The following PARP12 variants were observed in gnomAD, a reference collection of about 807,000 sequenced individuals.
PARP12 encodes the protein protein mono-ADP-ribosyltransferase PARP12.
A neutral mutation model predicts 72.4 loss-of-function variants in PARP12; 59 were observed. The ratio of observed to expected loss-of-function variants is 0.81; its 90% CI spans 0.66 to 1.01. The LOEUF is 1.01. Ranked by LOEUF, PARP12 falls within the 50% of genes least tolerant of loss-of-function variation. The pLI is 0.00. For synonymous variants in PARP12, 403 were observed against 371.4 expected, an observed-to-expected ratio of 1.09 and a Z score of -0.98; for missense variants, 851 against 914.0, an observed-to-expected ratio of 0.93 and a Z score of 0.89.
At position 140,026,314 on chromosome 7, in the gene PARP12, T is replaced by G. The variant is rs765113475; in HGVS notation, c.1663A>C (p.Lys555Gln). 14 of 1,612,610 alleles carry G rather than the reference T, an allele frequency of 8.7e-6. No individual in the cohort carries two copies. In the East Asian group the frequency reaches 3.1e-4, roughly 36 times the overall value. The change falls in exon 11 of 12, where the codon AAG (lysine) becomes CAG (glutamine). Residue 555 changes from lysine to glutamine, a missense_variant. This residue lies in a region of PARP12 where 347 missense variants were observed against 396.1 expected (regional missense o/e 0.88). Transcript: ENST00000263549. Reference sequence around the variant, plus strand: ...AACAGCTGCCGCTCGTCCACGGCCTTCCCTCCGTTCTGCTTCTGCATCTGT... The same window carrying G: ...AACAGCTGCCGCTCGTCCACGGCCTGCCCTCCGTTCTGCTTCTGCATCTGT... Reference protein sequence around the residue: ...KGQMQKQNGGKAVDERQLFHG... With the variant: ...KGQMQKQNGGQAVDERQLFHG...
chr7:140,033,468 G>A, intron 8 of PARP12: 1 of 985,410 alleles, frequency 1.0e-6, no homozygotes, highest in Non-Finnish European at 1.2e-6. Context: ...TCCCAGCACT[G>A]GCTCTGGCAA....
chr7:140,034,084 A>G, intron 8 of PARP12, 151 bp downstream of exon 8: 1 of 1,338,436 alleles, frequency 7.5e-7, no homozygotes. Flanking sequence ...TGGTCCAACT[A>G]GTAGAAGACA....
At chr7:140,061,342 G>C (rs1817434689) in intron 1 of PARP12, among the ~76,000 whole-genome samples, 1 of 152,192 alleles carries the variant, frequency 6.6e-6, no homozygotes, top group Non-Finnish European at 1.5e-5. Flanking sequence ...GCACAGAGCG[G>C]AGGTCAGTCA....
chr7:140,026,300 C>T lies in PARP12; in HGVS notation c.1677G>A (p.Glu559=), dbSNP rs1815735520. 1 of 1,613,340 alleles carries T rather than the reference C, an allele frequency of 6.2e-7. No homozygotes were observed. The highest frequency in any genetic ancestry group is 8.5e-7 in the Non-Finnish European group (1 of 1,180,040). ...CGCTGGTGCCGTGGAACAGCTGCCG[C>T]TCGTCCACGGCCTTCCCTCCGTTCT... The part of the protein sequence containing the change: ...QKQNGGKAVD[E]RQLFHGTSAI... Residue 559 remains glutamate (E), a synonymous_variant, in exon 11 of 12, where the codon GAG becomes GAA. Coordinates refer to ENST00000263549, the MANE Select transcript of PARP12 (RefSeq NM_022750.4).
rs554698842 is a variant in PARP12 at position 140,052,693 on chromosome 7, C to T, written c.862+1969G>A. On this transcript the variant is annotated intron_variant, in intron 4 of 11. Transcript: ENST00000263549. ...TTTTGAACTCCATGCATAATTTTTT[C>T]ATAATATGCATTTTCCACAAACTTT... Among the ~76,000 whole-genome samples the T allele has an allele frequency of 2.6e-5, 4 of 151,044 alleles. No homozygotes were observed. In the South Asian group the frequency reaches 8.3e-4, roughly 32 times the overall value.
intron 1 of PARP12, among the ~76,000 whole-genome samples, chr7:140,060,662 CAG>C (rs748128266): frequency 2.0e-5 from 3 of 152,282 alleles, no homozygotes; most frequent in Non-Finnish European, 2.9e-5. Flanking sequence ...GAACATGAAA[CAG>C]ATCTACCAGT....
At chr7:140,028,783 G>A in intron 8 of PARP12, 95 bp from the exon 9 acceptor site, 1 of 1,066,768 alleles carries the variant, frequency 9.4e-7, no homozygotes, top group Non-Finnish European at 1.4e-6. Flanking sequence ...CACCAGTCTT[G>A]AGTCTCAGCA....
At chr7:140,056,147 A>C (rs187050722) in intron 3 of PARP12, among the ~76,000 whole-genome samples, 46 of 152,366 alleles carry the variant, frequency 3.0e-4, no homozygotes, top group Non-Finnish European at 5.1e-4. Context: ...CTGACAGACC[A>C]CATTATTCAT....
chr7:140,048,374 G>A (rs749560385), intron 4 of PARP12, among the ~76,000 whole-genome samples: 8 of 151,972 alleles, frequency 5.3e-5, no homozygotes, highest in Non-Finnish European at 8.8e-5. Context: ...TGCCACCACC[G>A]GGAACGCCAC....
At chr7:140,034,075 G>A (rs1040191935) in intron 8 of PARP12, 160 bp downstream of exon 8, 1 of 1,320,714 alleles carries the variant, frequency 7.6e-7, no homozygotes, top group African/African-American at 1.5e-5. Context: ...TTCCCACTCT[G>A]GTCCAACTAG....
chr7:140,058,111 C>G (rs10252898), intron 1 of PARP12, 77 bp from the exon 2 acceptor site: 153,551 of 1,503,814 alleles, frequency 0.1, 10,632 homozygotes, highest in African/African-American at 0.33. Context: ...CTAACTCCCA[C>G]GACCTCAGGA....
At chr7:140,051,140 G>C (rs1816941303) in intron 4 of PARP12, among the ~76,000 whole-genome samples, 2 of 152,144 alleles carry the variant, frequency 1.3e-5, no homozygotes, top group African/African-American at 4.8e-5. Flanking sequence ...GATGATGGCT[G>C]CCCAATTCTG....
rs1007745248 is a variant in PARP12, at chr7:140,034,144, G to T, written c.1421+91C>A. ...TTCGTTGTACAAGCCAACGGTGCCC[G>T]GGTGCTGTCTGAGGCAGGTTTTCTG... On this transcript the variant is annotated intron_variant, in intron 8 of 11. Coordinates refer to ENST00000263549, the MANE Select transcript of PARP12 (RefSeq NM_022750.4). 3.6e-5 allele frequency: 54 copies of T among 1,500,836 alleles called. No homozygotes were observed. The African/African-American group carries it at 6.9e-4, about 19-fold the overall frequency. 93.0% of individuals were successfully genotyped at this position (1,500,836 alleles called of 1,614,324 possible).
chr7:140,041,883 A>G (rs779048408), intron 5 of PARP12, 44 bp from the exon 6 acceptor site: 1 of 1,498,338 alleles, frequency 6.7e-7, no homozygotes, highest in Non-Finnish European at 9.2e-7. Flanking sequence ...CCACCAGCCA[A>G]GCAGACACAG....
chr7:140,035,515 G>A (rs1045436320), intron 7 of PARP12, among the ~76,000 whole-genome samples: 4 of 152,172 alleles, frequency 2.6e-5, no homozygotes, highest in African/African-American at 9.7e-5. Flanking sequence ...CTAGGCTACA[G>A]CCTGTCTTTG....
chr7:140,062,505 C>A lies in PARP12; in HGVS notation c.326+17G>T. The A allele has an allele frequency of 5.2e-6, 8 of 1,533,264 alleles. No homozygotes were observed. The highest frequency in any genetic ancestry group is 7.0e-6 in the Non-Finnish European group (8 of 1,144,406). The allele number at this position is 1,533,264 out of a possible 1,614,324, so 95.0% of individuals were successfully genotyped here. A position where few individuals can be genotyped will look rare whatever the true frequency, so the allele number is the denominator to read the frequency against. On this transcript the variant is annotated intron_variant, in intron 1 of 11. Transcript: ENST00000263549. ...GCAGGACCTCCGCCCGCCGTCGCTC[C>A]CGGCGCGGCGCCTTACCCGGCTCTC... is the stretch of plus-strand genomic sequence containing the variant.
intron 5 of PARP12, among the ~76,000 whole-genome samples, chr7:140,046,452 C>T (rs1475382326): frequency 6.6e-6 from 1 of 152,180 alleles, no homozygotes; most frequent in Non-Finnish European, 1.5e-5. Context: ...AGCAGTTCAG[C>T]GGTATGGCTG....
At chr7:140,058,840 A>G (rs1817308893) in intron 1 of PARP12, among the ~76,000 whole-genome samples, 1 of 152,206 alleles carries the variant, frequency 6.6e-6, no homozygotes, top group South Asian at 2.1e-4. Context: ...TCACGCCTAT[A>G]ATCCCAGGAC....
intron 1 of PARP12, among the ~76,000 whole-genome samples, chr7:140,061,965 CAGGCTCCCAGAAATGCCCGG>C (rs1468204051): frequency 2.9e-5 from 4 of 136,550 alleles, no homozygotes; most frequent in Admixed American, 7.7e-5. Flanking sequence ...CAGAAATGCC[CAGGCTCCCAGAAATGCCCGG>C]GGGGGGGGGG....
Sources: gnomAD v4.1 joint callset for allele counts (sites outside exome capture counted in the v4.1 genomes callset) on GRCh38, gnomAD v4.1.1 for gene constraint, gnomAD v4.1.1 regional missense constraint, MANE v1.5 for transcripts, NCBI Gene and HGNC (gene_info 2026-07-23, HGNC 2026-07-21) for gene names.